Variants in KCNN2 observed in about 807,000 individuals in gnomAD.
KCNN2 encodes the protein potassium calcium-activated channel subfamily N member 2.
Under a neutral mutation model 55.5 loss-of-function variants are expected in KCNN2, and 24 were observed. The observed-to-expected ratio is 0.43, with a 90% confidence interval of 0.31 to 0.61. The LOEUF (loss-of-function observed/expected upper bound fraction) is 0.61, where lower values mean the gene tolerates loss of function less well. KCNN2 is among the 20% of genes least tolerant of loss of function. The probability of loss-of-function intolerance (pLI) is 0.08; values close to 1 mark genes in which losing one functional copy is unlikely to be tolerated. For synonymous variants in KCNN2, 431 were observed against 336.1 expected (o/e 1.28, Z -3.09); for missense variants, 754 against 853.6 (o/e 0.88, Z 1.45).
At chr5:114,323,066 T>G (rs936145260) in intron 2 of KCNN2, among the ~76,000 whole-genome samples, 17 of 152,338 alleles carry the variant, frequency 1.1e-4, no homozygotes, top group African/African-American at 3.6e-4. Context: ...GTATTTGGTT[T>G]TCTGTTTCTG....
chr5:114,334,052 T>C (rs549332235), intron 2 of KCNN2, among the ~76,000 whole-genome samples: 2 of 152,326 alleles, frequency 1.3e-5, no homozygotes, highest in South Asian at 2.1e-4. Context: ...ATTCTTTCTA[T>C]TTCCAAAACT....
At chr5:114,256,565 C>T (rs1267090689) in intron 2 of KCNN2, among the ~76,000 whole-genome samples, 1 of 152,058 alleles carries the variant, frequency 6.6e-6, no homozygotes, top group Admixed American at 6.5e-5. Flanking sequence ...GTAATCATAA[C>T]CTTTCTGACT....
Position 114,183,517 on chromosome 5 carries a change from A to G in KCNN2, c.-270-37963A>G, listed in dbSNP as rs558689218. On this transcript the variant is annotated intron_variant, in intron 1 of 10. Coordinates refer to the KCNN2 transcript ENST00000512097. ...GGAAAAGTTTTAAACTCTGAATTCA[A>G]TTTCTTGATAGATATACAAATAGAT... is the stretch of plus-strand genomic sequence containing the variant. Among the ~76,000 whole-genome samples the G allele has an allele frequency of 2.5e-3, 387 of 152,174 alleles. 4 individuals are homozygous for G. The highest frequency in any genetic ancestry group is 8.9e-3 in the African/African-American group (371 of 41,542).
At chr5:114,075,670 A>G (rs899410678) in intron 1 of KCNN2, among the ~76,000 whole-genome samples, 2 of 152,216 alleles carry the variant, frequency 1.3e-5, no homozygotes, top group Non-Finnish European at 2.9e-5. Flanking sequence ...ATCAAGAGGT[A>G]GGGCCCATGT....
intron 2 of KCNN2, among the ~76,000 whole-genome samples, chr5:114,379,386 A>G (rs1359368749): frequency 1.5e-4 from 22 of 150,242 alleles, no homozygotes; most frequent in African/African-American, 5.1e-4. Context: ...TCCTCCTACA[A>G]TCTCATTTAT....
intron 5 of KCNN2, among the ~76,000 whole-genome samples, chr5:114,481,254 T>C (rs1762210470): frequency 6.6e-6 from 1 of 152,060 alleles, no homozygotes; most frequent in Admixed American, 6.6e-5. Context: ...CCACAATTGC[T>C]ACCAAAGAAT....
intron 5 of KCNN2, among the ~76,000 whole-genome samples, chr5:114,485,575 C>T (rs990828058): frequency 3.9e-5 from 6 of 152,160 alleles, no homozygotes; most frequent in Non-Finnish European, 5.9e-5. Context: ...AGAATTTACT[C>T]GAACTCCTTT....
At chr5:114,130,705 T>C (rs1008610976) in intron 1 of KCNN2, among the ~76,000 whole-genome samples, 1 of 152,194 alleles carries the variant, frequency 6.6e-6, no homozygotes, top group African/African-American at 2.4e-5. Context: ...AGAAAGGTTA[T>C]ATACTTCATA....
chr5:114,489,373 G>A (rs1183886961), intron 6 of KCNN2, among the ~76,000 whole-genome samples: 1 of 152,108 alleles, frequency 6.6e-6, no homozygotes, highest in African/African-American at 2.4e-5. Flanking sequence ...AGGCATGTCG[G>A]CCCTTTCTTA....
At chr5:114,472,644 T>A (rs992609551) in intron 4 of KCNN2, among the ~76,000 whole-genome samples, 23 of 152,204 alleles carry the variant, frequency 1.5e-4, no homozygotes, top group Non-Finnish European at 2.9e-4. Context: ...ATCTTAAGAT[T>A]AGAGGTTTAT....
At chr5:114,280,157 T>C (rs1755592116) in intron 2 of KCNN2, among the ~76,000 whole-genome samples, 1 of 152,248 alleles carries the variant, frequency 6.6e-6, no homozygotes, top group African/African-American at 2.4e-5. Context: ...GTTTGAATTA[T>C]TCTTGTAAAT....
chr5:114,482,277 C>T (rs1762261959), intron 5 of KCNN2, among the ~76,000 whole-genome samples: 1 of 152,148 alleles, frequency 6.6e-6, no homozygotes, highest in African/African-American at 2.4e-5. Flanking sequence ...TGAAAAAATG[C>T]TCACCATCAC....
intron 3 of KCNN2, among the ~76,000 whole-genome samples, chr5:114,406,042 G>T (rs1275463591): frequency 6.8e-6 from 1 of 147,614 alleles, no homozygotes; most frequent in Non-Finnish European, 1.5e-5. Flanking sequence ...GCTTTTGAAA[G>T]TCAAGGTTAT....
intron 1 of KCNN2, among the ~76,000 whole-genome samples, chr5:114,185,036 G>A (rs867850380): frequency 6.6e-5 from 10 of 152,340 alleles, no homozygotes; most frequent in South Asian, 4.1e-4. Flanking sequence ...TGCAATGTAA[G>A]CCTTTATTTC....
chr5:114,205,130 C>G (rs1034019829), intron 1 of KCNN2, among the ~76,000 whole-genome samples: 1 of 151,892 alleles, frequency 6.6e-6, no homozygotes, highest in African/African-American at 2.4e-5. Flanking sequence ...TGGTCAAACA[C>G]TGTCTGTCTT....
intron 1 of KCNN2, among the ~76,000 whole-genome samples, chr5:114,171,973 A>C (rs1255466527): frequency 6.6e-6 from 1 of 151,904 alleles, no homozygotes; most frequent in Non-Finnish European, 1.5e-5. Flanking sequence ...TGTTGTGATA[A>C]AGCAGTGAAG....
intron 1 of KCNN2, among the ~76,000 whole-genome samples, chr5:114,187,529 G>T (rs866453505): frequency 7.4e-6 from 1 of 135,438 alleles, no homozygotes; most frequent in Non-Finnish European, 1.6e-5. Flanking sequence ...TTTTTGAGCG[G>T]AAGTCTTACT....
chr5:114,103,136 T>C (rs1326872863), intron 1 of KCNN2, among the ~76,000 whole-genome samples: 1 of 152,196 alleles, frequency 6.6e-6, no homozygotes, highest in Non-Finnish European at 1.5e-5. Flanking sequence ...GTGGTTCTCC[T>C]TGAAGAGATC....
At chr5:114,200,781 G>T (rs528083797) in intron 1 of KCNN2, among the ~76,000 whole-genome samples, 157 of 152,110 alleles carry the variant, frequency 1.0e-3, no homozygotes, top group African/African-American at 3.5e-3. Flanking sequence ...GAGTTCTTTG[G>T]CAGTGGTCAG....
Sources: allele counts gnomAD v4.1 joint callset (sites outside exome capture counted in the v4.1 genomes callset), GRCh38; gene constraint gnomAD v4.1.1; transcripts MANE v1.5; gene names NCBI Gene and HGNC (gene_info 2026-07-23, HGNC 2026-07-21).